CALD1: variants seen among roughly 807,000 people sequenced by gnomAD.
The protein encoded by CALD1 is caldesmon.
Under a neutral mutation model 99.9 loss-of-function variants are expected in CALD1, and 33 were observed. The observed-to-expected ratio is 0.33, with a 90% confidence interval of 0.25 to 0.44. CALD1 has a LOEUF of 0.44. Ranked by LOEUF, CALD1 falls within the 20% of genes least tolerant of loss-of-function variation. The pLI is 1.00. For synonymous variants in CALD1, 310 were observed against 325.0 expected, an observed-to-expected ratio of 0.95 and a Z score of 0.50; for missense variants, 861 against 962.1, an observed-to-expected ratio of 0.89 and a Z score of 1.39.
intron 1 of CALD1, among the ~76,000 whole-genome samples, chr7:134,820,310 T>C (rs1351934036): frequency 1.3e-5 from 2 of 152,208 alleles, no homozygotes; most frequent in African/African-American, 2.4e-5. Flanking sequence ...ATTTTACTCC[T>C]GAATCTGTTG....
chr7:134,965,377 C>T lies in CALD1; in HGVS notation c.2367C>T (p.Ser789=). 1 of 1,507,248 alleles carries T rather than the reference C, an allele frequency of 6.6e-7. No homozygotes were observed. The highest frequency in any genetic ancestry group is 2.3e-5 in the East Asian group (1 of 44,396). 93.4% of individuals were successfully genotyped at this position (1,507,248 alleles called of 1,614,324 possible). A position where few individuals can be genotyped will look rare whatever the true frequency, so the allele number is the denominator to read the frequency against. ...AGCAATCTGTGGATAAGGTCACTTCCCCCACTAAGGTAATCTATTGGGAAG... is the reference window on the plus strand; with the variant it reads ...AGCAATCTGTGGATAAGGTCACTTCTCCCACTAAGGTAATCTATTGGGAAG... ...WEKQSVDKVT[S]PTKV is the part of the protein sequence containing the mutation. Residue 789 remains serine, a synonymous_variant, in exon 14 of 15, where the codon TCC becomes TCT. Transcript: ENST00000361675.
rs1238446752 is a variant in CALD1, at chr7:134,969,948, CAAATA to C, written c.*1605_*1609del. On this transcript the variant is annotated 3_prime_UTR_variant, in exon 15 of 15. Coordinates refer to ENST00000361675, the MANE Select transcript of CALD1 (RefSeq NM_033138.4). The stretch of plus-strand genomic sequence containing the variant: ...TTCCTACCACACTGAGGGAGCCTCC[CAAATA>C]ACTATTTTCTTATCTGCAGTATTCC... The C allele has an allele frequency of 2.0e-5, 3 of 152,718 alleles. No homozygotes were observed. Among genetic ancestry groups the C allele is most frequent in the African/African-American group, 7.2e-5 (3 of 41,554 alleles). 9.5% of individuals were successfully genotyped at this position (152,718 alleles called of 1,614,324 possible). A position where few individuals can be genotyped will look rare whatever the true frequency, so the allele number is the denominator to read the frequency against.
intron 3 of CALD1, among the ~76,000 whole-genome samples, chr7:134,884,825 C>T (rs1718899986): frequency 6.6e-6 from 1 of 152,086 alleles, no homozygotes. Context: ...AGGAAATACC[C>T]CTTCCAGCAA....
chr7:134,855,772 G>A (rs948383912), intron 2 of CALD1, among the ~76,000 whole-genome samples: 1 of 152,166 alleles, frequency 6.6e-6, no homozygotes, highest in Non-Finnish European at 1.5e-5. Flanking sequence ...GTTTAAGTGT[G>A]AAAAATTAGG....
At chr7:134,897,119 C>T (rs578127821) in intron 3 of CALD1, among the ~76,000 whole-genome samples, 2 of 152,100 alleles carry the variant, frequency 1.3e-5, no homozygotes, top group Non-Finnish European at 2.9e-5. Context: ...AATCTGTAAA[C>T]CTCATTCATT....
intron 3 of CALD1, among the ~76,000 whole-genome samples, chr7:134,908,106 G>C: frequency 6.6e-6 from 1 of 152,108 alleles, no homozygotes; most frequent in Non-Finnish European, 1.5e-5. Flanking sequence ...AAAAAGATAG[G>C]AATTTGGGGT....
chr7:134,875,178 G>A (rs1250057961), intron 3 of CALD1, among the ~76,000 whole-genome samples: 1 of 152,192 alleles, frequency 6.6e-6, no homozygotes, highest in Non-Finnish European at 1.5e-5. Flanking sequence ...AAGAAAGTTA[G>A]AATCTGCCAT....
intron 3 of CALD1, among the ~76,000 whole-genome samples, chr7:134,915,613 A>G (rs1290143058): frequency 6.6e-6 from 1 of 152,204 alleles, no homozygotes; most frequent in African/African-American, 2.4e-5. Flanking sequence ...GAATGTCTCT[A>G]ATGCTCATGC....
chr7:134,894,277 T>A (rs1051854035), intron 3 of CALD1, among the ~76,000 whole-genome samples: 4 of 152,204 alleles, frequency 2.6e-5, no homozygotes, highest in African/African-American at 9.6e-5. Flanking sequence ...GTACCAAAAT[T>A]TAATTTCCTT....
intron 2 of CALD1, among the ~76,000 whole-genome samples, chr7:134,859,234 A>G (rs1340585745): frequency 6.6e-6 from 1 of 152,170 alleles, no homozygotes; most frequent in Non-Finnish European, 1.5e-5. Flanking sequence ...TATCTGAATT[A>G]TGTGTGATAA....
chr7:134,732,436 C>G, the CALD1 span, among the ~76,000 whole-genome samples: 1 of 152,092 alleles, frequency 6.6e-6, no homozygotes, highest in Non-Finnish European at 1.5e-5. Flanking sequence ...AGGGCAGAGC[C>G]CTCGTGAATA....
Position 134,891,767 on chromosome 7 carries a change from AAT to A in CALD1, c.71+23964_71+23965del, listed in dbSNP as rs1474702318. On this transcript the variant is annotated intron_variant, in intron 3 of 14. Coordinates refer to ENST00000361675, the MANE Select transcript of CALD1 (RefSeq NM_033138.4). ...TTGTAAAAAAAAAAAAAAAAAAAAA[AAT>A]GTGGGAGTGGGAGGGGAGAGGAGGA... 196 of 789,248 alleles carry A rather than the reference AAT, an allele frequency of 2.5e-4. No individual in the cohort carries two copies. In the East Asian group the frequency reaches 5.4e-3, roughly 22 times the overall value. The allele number at this position is 789,248 out of a possible 1,614,324, so 48.9% of individuals were successfully genotyped here. A position where few individuals can be genotyped will look rare whatever the true frequency, so the allele number is the denominator to read the frequency against.
chr7:134,838,400 C>T (rs1025754250), intron 1 of CALD1, among the ~76,000 whole-genome samples: 1 of 152,100 alleles, frequency 6.6e-6, no homozygotes, highest in African/African-American at 2.4e-5. Context: ...ACTTGATGCA[C>T]AAAAGAGCTA....
chr7:134,930,264 A>G (rs1805428232), intron 4 of CALD1, among the ~76,000 whole-genome samples: 1 of 152,192 alleles, frequency 6.6e-6, no homozygotes, highest in South Asian at 2.1e-4. Context: ...ATAAGGTCAC[A>G]TGGTTCATTA....
At chr7:134,963,462 C>A (rs1808430882) in intron 13 of CALD1, among the ~76,000 whole-genome samples, 1 of 152,154 alleles carries the variant, frequency 6.6e-6, no homozygotes. Context: ...GAAATATGTC[C>A]ATTTAGATCA....
At chr7:134,759,113 C>T (rs914464718) in intron 1 of CALD1, among the ~76,000 whole-genome samples, 3 of 152,154 alleles carry the variant, frequency 2.0e-5, no homozygotes, top group African/African-American at 7.2e-5. Context: ...ATGACCATCA[C>T]GTTTATAAAG....
intron 1 of CALD1, among the ~76,000 whole-genome samples, chr7:134,756,086 TC>T (rs1267406830): frequency 2.0e-5 from 3 of 151,950 alleles, no homozygotes; most frequent in Non-Finnish European, 4.4e-5. Context: ...AGACAGGGTT[TC>T]ACTATGTTGG....
intron 1 of CALD1, among the ~76,000 whole-genome samples, chr7:134,764,085 G>A (rs1390589558): frequency 6.6e-6 from 1 of 152,120 alleles, no homozygotes; most frequent in African/African-American, 2.4e-5. Flanking sequence ...CCATACAAGG[G>A]TAGTTCTGTG....
intron 1 of CALD1, among the ~76,000 whole-genome samples, chr7:134,750,663 A>G (rs964675813): frequency 6.6e-6 from 1 of 152,186 alleles, no homozygotes; most frequent in East Asian, 1.9e-4. Context: ...ATATCCACCA[A>G]ATTCTCTAGC....
Sources: allele counts gnomAD v4.1 joint callset (sites outside exome capture counted in the v4.1 genomes callset), GRCh38; gene constraint gnomAD v4.1.1; transcripts MANE v1.5; gene names NCBI Gene and HGNC (gene_info 2026-07-23, HGNC 2026-07-21).